The following FSD1L variants were observed in gnomAD, a reference collection of about 807,000 sequenced individuals.
FSD1L encodes FSD1-like protein.
A neutral mutation model predicts 71.6 loss-of-function variants in FSD1L; 45 were observed. The ratio of observed to expected loss-of-function variants is 0.63; its 90% CI spans 0.49 to 0.81. The LOEUF (loss-of-function observed/expected upper bound fraction) is 0.81. Ranked by LOEUF, FSD1L falls within the 30% of genes least tolerant of loss-of-function variation. The pLI is 0.00. For synonymous variants in FSD1L, 197 were observed against 207.2 expected (o/e 0.95, Z 0.42); for missense variants, 561 against 618.1 (o/e 0.91, Z 0.98).
rs979142569 is a variant in FSD1L, at chr9:105,550,784, T to A, written c.*4301T>A. The A allele has an allele frequency of 6.6e-5, 10 of 152,100 alleles. No homozygotes were observed. Among genetic ancestry groups the A allele is most frequent in the African/African-American group, 2.2e-4 (9 of 41,440 alleles). 9.4% of individuals were successfully genotyped at this position (152,100 alleles called of 1,614,324 possible). A position where few individuals can be genotyped will look rare whatever the true frequency, so the allele number is the denominator to read the frequency against. ...GAGTACACTTTTCTCTTCAGATGAC[T>A]CAATTATTAAATAAAAGAATATTTC... On this transcript the variant is annotated 3_prime_UTR_variant, in exon 14 of 14. Transcript: ENST00000481272.
rs115343888 is a variant in FSD1L at position 105,464,897 on chromosome 9, C to T, written c.207+566C>T. The stretch of plus-strand genomic sequence containing the variant: ...CAGGAGGCTGAGGTAGGAGGATCGT[C>T]TGAGCCCAGGACGTCGAGGCTGCAG... On this transcript the variant is annotated intron_variant, in intron 3 of 13. Coordinates refer to ENST00000481272, the MANE Select transcript of FSD1L (RefSeq NM_001145313.3). Among the ~76,000 whole-genome samples the T allele has an allele frequency of 9.3e-3, 1,408 of 152,104 alleles. 22 individuals are homozygous for T. Among genetic ancestry groups the T allele is most frequent in the African/African-American group, 0.032 (1,348 of 41,494 alleles).
intron 13 of FSD1L, among the ~76,000 whole-genome samples, chr9:105,540,687 T>C (rs988157356): frequency 1.3e-5 from 2 of 152,122 alleles, no homozygotes; most frequent in Non-Finnish European, 2.9e-5. Flanking sequence ...GTGTCATCTT[T>C]GTACAAAATA....
intron 9 of FSD1L, among the ~76,000 whole-genome samples, chr9:105,512,063 G>T (rs570677964): frequency 2.2e-4 from 33 of 152,176 alleles, no homozygotes; most frequent in African/African-American, 7.7e-4. Flanking sequence ...ACATTCTAAT[G>T]ATTTACCCTC....
intron 7 of FSD1L, among the ~76,000 whole-genome samples, chr9:105,492,799 GT>G (rs1342735531): frequency 6.6e-6 from 1 of 152,150 alleles, no homozygotes; most frequent in African/African-American, 2.4e-5. Context: ...TTTCCATGTA[GT>G]TGAATGGTTT....
At chr9:105,492,624 C>G (rs149818825) in intron 7 of FSD1L, among the ~76,000 whole-genome samples, 2,403 of 152,228 alleles carry the variant, frequency 0.016, 96 homozygotes, top group African/African-American at 0.055. Flanking sequence ...TCTGCTTTCT[C>G]TTGTGGGCAT....
intron 5 of FSD1L, chr9:105,473,036 G>A (rs1388454028): frequency 1.3e-5 from 2 of 152,152 alleles, no homozygotes; most frequent in Admixed American, 1.3e-4. Context: ...CAGGTATGGT[G>A]GCTCATGCCT....
chr9:105,461,972 G>A (rs201470630), intron 2 of FSD1L, among the ~76,000 whole-genome samples: 2 of 150,830 alleles, frequency 1.3e-5, no homozygotes, highest in South Asian at 4.2e-4. Flanking sequence ...AAAAAAAAAG[G>A]CTTCTCATTA....
rs551647879 is a variant in FSD1L at position 105,525,969 on chromosome 9, C to T, written c.1026-8524C>T. The T allele has an allele frequency of 6.4e-6, 10 of 1,570,258 alleles. No homozygotes were observed. The East Asian group carries it at 1.8e-4, about 28-fold the overall frequency. On this transcript the variant is annotated intron_variant, in intron 10 of 13. Transcript: ENST00000481272. ...GACATTTGGGAAATGATGAAGTGCA[C>T]ATTGTTTGGTCAGAGCATACTAGAG...
At chr9:105,545,931 C>T (rs1791390696) in intron 13 of FSD1L, among the ~76,000 whole-genome samples, 1 of 151,984 alleles carries the variant, frequency 6.6e-6, no homozygotes, top group African/African-American at 2.4e-5. Flanking sequence ...TTACTGTTAA[C>T]TGAGGGGTGT....
intron 1 of FSD1L, among the ~76,000 whole-genome samples, chr9:105,453,029 G>T (rs1830137996): frequency 6.9e-6 from 1 of 144,174 alleles, no homozygotes; most frequent in African/African-American, 2.6e-5. Flanking sequence ...GAGCCATCAC[G>T]TCTGACCTAA....
rs866740956 is a variant in FSD1L, at chr9:105,505,405, C to T, written c.587-994C>T. Among the ~76,000 whole-genome samples the T allele has an allele frequency of 8.5e-5, 13 of 152,070 alleles. No homozygotes were observed. The South Asian group carries it at 1.0e-3, about 12-fold the overall frequency. On this transcript the variant is annotated intron_variant, in intron 7 of 13. Transcript: ENST00000481272. ...CCTCATGAGTAGCTGGGATTACTGG[C>T]GCATGCCACCACACCTGGCTAATTT... is the stretch of plus-strand genomic sequence containing the variant.
chr9:105,479,133 A>G lies in FSD1L; in HGVS notation c.442-221A>G, dbSNP rs545053203. Among the ~76,000 whole-genome samples, 10 of 152,314 alleles carry G rather than the reference A, an allele frequency of 6.6e-5. No homozygotes were observed. The East Asian group carries it at 1.2e-3, about 18-fold the overall frequency. On this transcript the variant is annotated intron_variant, in intron 5 of 13. Coordinates refer to ENST00000481272, the MANE Select transcript of FSD1L (RefSeq NM_001145313.3). ...CGAAGTGTTAAATTTTCCTCCTAAA[A>G]GGTGATTTTTGTGGGGTCTGGATTT...
chr9:105,458,770 G>C (rs1830508663), intron 1 of FSD1L, among the ~76,000 whole-genome samples: 1 of 152,190 alleles, frequency 6.6e-6, no homozygotes, highest in Admixed American at 6.5e-5. Flanking sequence ...TTTCACCAGG[G>C]ACCCACCCCT....
At chr9:105,520,842 C>T in intron 10 of FSD1L, 1 of 1,612,218 alleles carries the variant, frequency 6.2e-7, no homozygotes, top group South Asian at 1.1e-5. Context: ...TGTCCCCCCA[C>T]AATCAGGAGA....
intron 6 of FSD1L, among the ~76,000 whole-genome samples, chr9:105,481,179 G>GTGTGTGTGGGT (rs71364100): frequency 2.4e-4 from 28 of 115,368 alleles, no homozygotes; most frequent in Non-Finnish European, 4.8e-4. Flanking sequence ...GTGTGTGTGT[G>GTGTGTGTGGGT]GTTCTTTTTT....
intron 2 of FSD1L, 48 bp downstream of exon 2, chr9:105,461,663 C>A: frequency 8.9e-7 from 1 of 1,129,818 alleles, no homozygotes; most frequent in Non-Finnish European, 1.3e-6. Flanking sequence ...AGATCTGATT[C>A]AAAATTAGAG....
intron 10 of FSD1L, chr9:105,520,340 T>A (rs956108672): frequency 2.3e-6 from 3 of 1,314,172 alleles, no homozygotes; most frequent in Admixed American, 2.1e-5. Flanking sequence ...TTTTGGAAAG[T>A]GATGTTTATT....
intron 5 of FSD1L, 119 bp downstream of exon 5, chr9:105,472,124 G>T (rs1215312519): frequency 4.1e-6 from 5 of 1,205,954 alleles, no homozygotes; most frequent in Non-Finnish European, 5.4e-6. Flanking sequence ...AAGCCTTGGG[G>T]TTTCTTGATA....
At chr9:105,519,814 C>CGGCGAGCGGCGGCCGCTGGA (rs1834996942) in intron 10 of FSD1L, among the ~76,000 whole-genome samples, 1 of 152,086 alleles carries the variant, frequency 6.6e-6, no homozygotes, top group Non-Finnish European at 1.5e-5. Flanking sequence ...CGGCCTGTGG[C>CGGCGAGCGGCGGCCGCTGGA]GGCGAGCGGC....
Sources: gnomAD v4.1 joint callset for allele counts (sites outside exome capture counted in the v4.1 genomes callset) on GRCh38, gnomAD v4.1.1 for gene constraint, MANE v1.5 for transcripts, NCBI Gene and HGNC (gene_info 2026-07-23, HGNC 2026-07-21) for gene names.